The following CNTNAP2 variants were observed in gnomAD, a reference collection of about 807,000 sequenced individuals.
CNTNAP2 encodes contactin associated protein 2.
In CNTNAP2, 98 loss-of-function variants were observed where a neutral mutation model predicts 155.2. The ratio of observed to expected loss-of-function variants is 0.63; its 90% confidence interval spans 0.54 to 0.75. CNTNAP2 has a LOEUF of 0.75. Among genes scored for constraint, CNTNAP2 ranks in the 30% least tolerant of loss-of-function variants. The pLI, the probability that CNTNAP2 is intolerant of heterozygous loss-of-function variation, is 0.00. For synonymous variants in CNTNAP2, 651 were observed against 631.2 expected, an observed-to-expected ratio of 1.03 and a Z score of -0.47; for missense variants, 1,727 against 1,688.1, an observed-to-expected ratio of 1.02 and a Z score of -0.40.
At chr7:147,904,030 T>C (rs989139418) in intron 14 of CNTNAP2, among the ~76,000 whole-genome samples, 1 of 152,088 alleles carries the variant, frequency 6.6e-6, no homozygotes, top group Non-Finnish European at 1.5e-5. Flanking sequence ...TGTGTAACAA[T>C]AGAGGGATGG....
At chr7:147,747,899 C>T (rs1306085435) in intron 13 of CNTNAP2, among the ~76,000 whole-genome samples, 1 of 152,158 alleles carries the variant, frequency 6.6e-6, no homozygotes. Flanking sequence ...CTGTGTTGAG[C>T]CATCCTGCCC....
chr7:147,464,900 G>C (rs1011000307), intron 10 of CNTNAP2, among the ~76,000 whole-genome samples: 1 of 152,142 alleles, frequency 6.6e-6, no homozygotes, highest in African/African-American at 2.4e-5. Flanking sequence ...TGGCCAAGAG[G>C]CTCAATTATA....
chr7:148,082,059 G>A (rs1222271508), intron 15 of CNTNAP2, among the ~76,000 whole-genome samples: 1 of 152,100 alleles, frequency 6.6e-6, no homozygotes. Flanking sequence ...GGATTCTCCT[G>A]CCTTGGCCTC....
chr7:147,485,391 G>T (rs1422349087), intron 10 of CNTNAP2, among the ~76,000 whole-genome samples: 1 of 152,134 alleles, frequency 6.6e-6, no homozygotes, highest in Non-Finnish European at 1.5e-5. Flanking sequence ...GCCTCTTTCA[G>T]CAGGCTGCTT....
intron 15 of CNTNAP2, among the ~76,000 whole-genome samples, chr7:148,060,932 A>G (rs1803116556): frequency 6.6e-6 from 1 of 152,210 alleles, no homozygotes; most frequent in African/African-American, 2.4e-5. Context: ...TCTCAAAAGC[A>G]ATAGTTGAAA....
intron 1 of CNTNAP2, among the ~76,000 whole-genome samples, chr7:146,334,077 G>T (rs914797798): frequency 6.6e-6 from 1 of 152,108 alleles, no homozygotes; most frequent in Non-Finnish European, 1.5e-5. Flanking sequence ...TTCAGAGATC[G>T]GCAAAATAAA....
At chr7:146,873,295 G>C (rs1468093489) in intron 3 of CNTNAP2, among the ~76,000 whole-genome samples, 1 of 152,190 alleles carries the variant, frequency 6.6e-6, no homozygotes, top group Non-Finnish European at 1.5e-5. Flanking sequence ...AGCACATAGA[G>C]GAGGAGCTAA....
chr7:147,812,550 T>C (rs1798197366), intron 13 of CNTNAP2, among the ~76,000 whole-genome samples: 1 of 147,330 alleles, frequency 6.8e-6, no homozygotes, highest in African/African-American at 2.5e-5. Flanking sequence ...TCCTAGACAA[T>C]CACAACGTGT....
At chr7:146,996,844 G>C (rs1459349280) in intron 3 of CNTNAP2, among the ~76,000 whole-genome samples, 1 of 152,074 alleles carries the variant, frequency 6.6e-6, no homozygotes, top group Non-Finnish European at 1.5e-5. Flanking sequence ...TGTTGTGGGA[G>C]GGACCCCGTG....
intron 13 of CNTNAP2, among the ~76,000 whole-genome samples, chr7:147,874,253 T>C (rs1799383938): frequency 6.6e-6 from 1 of 152,208 alleles, no homozygotes; most frequent in African/African-American, 2.4e-5. Context: ...ACCCCACATT[T>C]CCCTTCTGCA....
intron 1 of CNTNAP2, among the ~76,000 whole-genome samples, chr7:146,228,932 A>C (rs1799338244): frequency 1.3e-5 from 2 of 152,220 alleles, no homozygotes; most frequent in Non-Finnish European, 2.9e-5. Flanking sequence ...TGATTGGCTC[A>C]GAAAAGAAGT....
intron 15 of CNTNAP2, chr7:148,013,237 A>G (rs1046274027): frequency 1.3e-5 from 2 of 152,230 alleles, no homozygotes; most frequent in African/African-American, 4.8e-5. Context: ...GGTTTCAAGG[A>G]CTTTCTTCCA....
chr7:146,163,742 A>G (rs1027840342), intron 1 of CNTNAP2, among the ~76,000 whole-genome samples: 2 of 151,662 alleles, frequency 1.3e-5, no homozygotes, highest in African/African-American at 4.8e-5. Flanking sequence ...AAAAGAAAAA[A>G]AAAGAAAAAG....
chr7:146,956,556 G>A (rs1190749956), intron 3 of CNTNAP2, among the ~76,000 whole-genome samples: 1 of 152,072 alleles, frequency 6.6e-6, no homozygotes, highest in Non-Finnish European at 1.5e-5. Context: ...GCAAAGAGAG[G>A]GAAAATTTTA....
Position 146,264,210 on chromosome 7 carries a change from G to A in CNTNAP2, c.97+147237G>A, listed in dbSNP as rs370005525. 3.1e-3 allele frequency among the ~76,000 whole-genome samples: 478 copies of A among 152,144 alleles called. 4 individuals are homozygous for A. Among genetic ancestry groups the A allele is most frequent in the African/African-American group, 0.011 (448 of 41,500 alleles). ...TGTAATCCCAGCACTTTGGGAGGCC[G>A]AGGTGGGCAGATCACCTGAGGTCAG... On this transcript the variant is annotated intron_variant, in intron 1 of 23. Coordinates refer to ENST00000361727, the MANE Select transcript of CNTNAP2 (RefSeq NM_014141.6).
chr7:146,651,743 G>T (rs1180717854), intron 1 of CNTNAP2, among the ~76,000 whole-genome samples: 1 of 152,104 alleles, frequency 6.6e-6, no homozygotes, highest in Admixed American at 6.6e-5. Context: ...AAAAACCAAT[G>T]AACTAATTCA....
At chr7:147,173,914 G>A (rs573490122) in intron 8 of CNTNAP2, among the ~76,000 whole-genome samples, 1 of 152,168 alleles carries the variant, frequency 6.6e-6, no homozygotes, top group Non-Finnish European at 1.5e-5. Flanking sequence ...GAGAAAATTT[G>A]TTTTGAGTAC....
chr7:148,090,149 C>T (rs1006918900), intron 15 of CNTNAP2, among the ~76,000 whole-genome samples: 1 of 151,926 alleles, frequency 6.6e-6, no homozygotes, highest in African/African-American at 2.4e-5. Flanking sequence ...AACTGTAAAG[C>T]TACTAGAACA....
intron 9 of CNTNAP2, among the ~76,000 whole-genome samples, chr7:147,335,239 G>T (rs1274358809): frequency 1.3e-5 from 2 of 152,240 alleles, no homozygotes; most frequent in African/African-American, 4.8e-5. Context: ...CTGAGTTAAT[G>T]CTTCTAATAG....
Sources: gnomAD v4.1 joint callset for allele counts (sites outside exome capture counted in the v4.1 genomes callset) on GRCh38, gnomAD v4.1.1 for gene constraint, MANE v1.5 for transcripts, NCBI Gene and HGNC (gene_info 2026-07-23, HGNC 2026-07-21) for gene names.